The following DOCK10 variants were observed in gnomAD, a reference collection of about 807,000 sequenced individuals.
DOCK10 encodes dedicator of cytokinesis 10.
A neutral mutation model predicts 280.1 loss-of-function variants in DOCK10; 145 were observed. That is an observed-to-expected ratio of 0.52 (90% CI 0.45 to 0.59). DOCK10 has a LOEUF of 0.59. Among genes scored for constraint, DOCK10 ranks in the 20% least tolerant of loss-of-function variants. The probability of loss-of-function intolerance (pLI) is 0.00; values close to 1 mark genes in which losing one functional copy is unlikely to be tolerated. For missense variants in DOCK10, 2,368 were observed against 2,651.7 expected, an observed-to-expected ratio of 0.89 and a Z score of 2.35; for synonymous variants, 915 against 942.2, an observed-to-expected ratio of 0.97 and a Z score of 0.53.
intron 24 of DOCK10, among the ~76,000 whole-genome samples, 169 bp downstream of exon 24, chr2:224,839,785 A>C (rs1160764797): frequency 1.3e-5 from 2 of 152,258 alleles, no homozygotes; most frequent in Non-Finnish European, 2.9e-5. Context: ...CTTTACTACT[A>C]ATAATAAGAG....
At chr2:224,988,461 C>T (rs964570407) in intron 1 of DOCK10, among the ~76,000 whole-genome samples, 7 of 152,184 alleles carry the variant, frequency 4.6e-5, no homozygotes, top group African/African-American at 1.4e-4. Context: ...ATTTATGCAT[C>T]GGGATACATG....
At chr2:224,932,372 A>C (rs1702436606) in intron 1 of DOCK10, among the ~76,000 whole-genome samples, 1 of 152,200 alleles carries the variant, frequency 6.6e-6, no homozygotes, top group Non-Finnish European at 1.5e-5. Flanking sequence ...GCCAAAAATA[A>C]AAATAAAATA....
intron 7 of DOCK10, among the ~76,000 whole-genome samples, chr2:224,884,465 G>T (rs1699160514): frequency 6.6e-6 from 1 of 152,160 alleles, no homozygotes; most frequent in South Asian, 2.1e-4. Flanking sequence ...AGGGAAGGTT[G>T]CTAAAACACT....
chr2:224,768,397 G>C (rs568868941), intron 55 of DOCK10, among the ~76,000 whole-genome samples: 260 of 152,292 alleles, frequency 1.7e-3, no homozygotes, highest in Non-Finnish European at 2.5e-3. Context: ...CCTGTGGACA[G>C]ATCTTTTTAT....
chr2:224,983,942 G>A (rs546299559), intron 1 of DOCK10: 27 of 463,808 alleles, frequency 5.8e-5, no homozygotes, highest in African/African-American at 1.4e-4. Context: ...TTACTGAAGA[G>A]AGGCTACGAC....
At position 224,916,677 on chromosome 2, in the gene DOCK10, T is replaced by C; in HGVS notation, c.333+18A>G. The C allele has an allele frequency of 6.3e-7, 1 of 1,577,936 alleles. No individual in the cohort carries two copies. The highest frequency in any genetic ancestry group is 8.7e-7 in the Non-Finnish European group (1 of 1,154,360). On this transcript the variant is annotated intron_variant, in intron 3 of 55. Coordinates refer to ENST00000258390, the MANE Select transcript of DOCK10 (RefSeq NM_014689.3). ...AAGCAAAAGCCTTAAAATAAAGCAT[T>C]GGAAGCATCACATTTACCTCCTTAA...
intron 1 of DOCK10, among the ~76,000 whole-genome samples, chr2:224,950,248 A>G (rs1186225283): frequency 2.0e-5 from 3 of 152,242 alleles, no homozygotes; most frequent in African/African-American, 4.8e-5. Flanking sequence ...ATAACCATAC[A>G]TTTCAGGGAA....
chr2:224,940,578 A>T (rs1192077327), intron 1 of DOCK10, among the ~76,000 whole-genome samples: 2 of 152,194 alleles, frequency 1.3e-5, no homozygotes, highest in Non-Finnish European at 2.9e-5. Context: ...CCAGGTATCA[A>T]GCATCCTGAA....
At chr2:224,823,795 C>G (rs1694665533) in intron 27 of DOCK10, 148 bp from the exon 28 acceptor site, 1 of 685,630 alleles carries the variant, frequency 1.5e-6, no homozygotes, top group Non-Finnish European at 2.2e-6. Flanking sequence ...AAATAGAAGC[C>G]TTTTACTTTC....
Position 224,765,739 on chromosome 2 carries a change from T to C in DOCK10, c.6543A>G (p.Ser2181=), listed in dbSNP as rs953385053. The change falls in exon 56 of 56, where the codon TCA becomes TCG. Residue 2181 remains serine (S), a synonymous_variant. Coordinates refer to ENST00000258390, the MANE Select transcript of DOCK10 (RefSeq NM_014689.3). ...AGAGCCCTCAGACTTCAGCACTAGA[T>C]GAGATGGAGACCGTGGGTAGGGCCG... ...ATPALPTVSI[S]SSAEV 3 of 1,592,708 alleles carry C rather than the reference T, an allele frequency of 1.9e-6. No homozygotes were observed. In the African/African-American group the frequency reaches 4.0e-5, roughly 21 times the overall value.
chr2:224,982,008 G>C (rs1195611686), intron 1 of DOCK10, among the ~76,000 whole-genome samples: 4 of 152,156 alleles, frequency 2.6e-5, no homozygotes, highest in Non-Finnish European at 5.9e-5. Flanking sequence ...ACAGTTTCAT[G>C]ACAGATACAA....
chr2:224,899,378 G>T (rs1700165799), intron 3 of DOCK10, among the ~76,000 whole-genome samples: 1 of 152,084 alleles, frequency 6.6e-6, no homozygotes, highest in Admixed American at 6.5e-5. Context: ...GCCCTACTAG[G>T]TTACCCGGAG....
intron 11 of DOCK10, among the ~76,000 whole-genome samples, chr2:224,870,874 T>A (rs1487240341): frequency 7.4e-6 from 1 of 135,196 alleles, no homozygotes; most frequent in Admixed American, 7.9e-5. Context: ...TCACCCAGGC[T>A]GGAGTGCAGT....
chr2:224,998,432 C>T (rs760394279), intron 1 of DOCK10, among the ~76,000 whole-genome samples: 2 of 152,112 alleles, frequency 1.3e-5, no homozygotes, highest in African/African-American at 2.4e-5. Flanking sequence ...CTTACATCCC[C>T]CTTACATTCT....
intron 1 of DOCK10, among the ~76,000 whole-genome samples, chr2:224,985,640 A>G (rs915935550): frequency 1.3e-5 from 2 of 151,568 alleles, no homozygotes; most frequent in Admixed American, 6.6e-5. Flanking sequence ...GAAAAAAAAA[A>G]AGAGAAAAAC....
At chr2:224,829,737 C>T (rs1189697499) in intron 27 of DOCK10, among the ~76,000 whole-genome samples, 5 of 152,068 alleles carry the variant, frequency 3.3e-5, no homozygotes, top group Non-Finnish European at 5.9e-5. Flanking sequence ...AGGTGAGTCA[C>T]CAAGACCTTC....
At chr2:225,032,421 T>G (rs1279374249) in intron 1 of DOCK10, among the ~76,000 whole-genome samples, 4 of 152,232 alleles carry the variant, frequency 2.6e-5, no homozygotes, top group Non-Finnish European at 5.9e-5. Flanking sequence ...TATCTCTGCA[T>G]GTTGGTATGC....
intron 1 of DOCK10, among the ~76,000 whole-genome samples, chr2:224,979,615 C>T (rs941926485): frequency 2.0e-5 from 3 of 152,244 alleles, no homozygotes; most frequent in Admixed American, 6.5e-5. Context: ...TAGGGCCTTT[C>T]GCCTTGGCGG....
chr2:224,855,877 C>T (rs1315105224), intron 15 of DOCK10, among the ~76,000 whole-genome samples: 1 of 152,074 alleles, frequency 6.6e-6, no homozygotes, highest in East Asian at 1.9e-4. Flanking sequence ...ATAAACTTAC[C>T]ATTAAAGAAA....
Sources: allele counts gnomAD v4.1 joint callset (sites outside exome capture counted in the v4.1 genomes callset), GRCh38; gene constraint gnomAD v4.1.1; transcripts MANE v1.5; gene names NCBI Gene and HGNC (gene_info 2026-07-23, HGNC 2026-07-21).